The following PGPEP1L variants were observed in gnomAD, a reference collection of about 807,000 sequenced individuals.
PGPEP1L encodes the protein pyroglutamyl-peptidase 1-like protein.
PGPEP1L carries 7 observed loss-of-function variants against 6.0 expected under a neutral mutation model. That is an observed-to-expected ratio of 1.17 (90% CI 0.66 to 2.19). PGPEP1L has a LOEUF of 2.19. PGPEP1L is among the 30% of genes most tolerant of loss of function. The probability of loss-of-function intolerance (pLI) is 0.00; values close to 1 mark genes in which losing one functional copy is unlikely to be tolerated. For missense variants in PGPEP1L, 209 were observed against 192.5 expected (o/e 1.09, Z -0.51); for synonymous variants, 103 against 83.9 (o/e 1.23, Z -1.24).
chr15:98,972,872 C>CAAAAAAAAAAA (rs58126997), intron 2 of PGPEP1L, among the ~76,000 whole-genome samples: 1 of 45,654 alleles, frequency 2.2e-5, no homozygotes, highest in Non-Finnish European at 3.7e-5. Flanking sequence ...GACTCCGTCT[C>CAAAAAAAAAAA]AAAAAAAAAA....
At chr15:98,991,725 A>G (rs181657193) in intron 2 of PGPEP1L, among the ~76,000 whole-genome samples, 106 of 152,348 alleles carry the variant, frequency 7.0e-4, no homozygotes, top group African/African-American at 2.5e-3. Flanking sequence ...GGCAAACTGA[A>G]TCCAGCAGCA....
intron 2 of PGPEP1L, among the ~76,000 whole-genome samples, chr15:98,984,253 A>AC (rs1428112357): frequency 1.3e-5 from 2 of 152,020 alleles, no homozygotes; most frequent in African/African-American, 4.8e-5. Context: ...CTTGTGAACC[A>AC]CCCACCGTGG....
rs529834086 is a variant in PGPEP1L at position 98,992,476 on chromosome 15, T to C, written c.-142+12953A>G. 3.9e-5 allele frequency among the ~76,000 whole-genome samples: 6 copies of C among 152,336 alleles called. No homozygotes were observed. The East Asian group carries it at 1.2e-3, about 29-fold the overall frequency. ...CACAAACAAATGGAAAAACATTGCA[T>C]GCTCATAAATAGGAAGAATCAATAT... On this transcript the variant is annotated intron_variant, in intron 2 of 4. Transcript: ENST00000535714.
chr15:98,994,348 T>C (rs2017859134), intron 2 of PGPEP1L, among the ~76,000 whole-genome samples: 1 of 151,618 alleles, frequency 6.6e-6, no homozygotes, highest in African/African-American at 2.4e-5. Context: ...CAGTTCTCTA[T>C]TTAAAGCCTA....
At chr15:99,003,092 A>G (rs1239547205) in intron 2 of PGPEP1L, among the ~76,000 whole-genome samples, 1 of 152,122 alleles carries the variant, frequency 6.6e-6, no homozygotes, top group Non-Finnish European at 1.5e-5. Flanking sequence ...AACGTCCCAA[A>G]AAGCCCATGG....
chr15:98,969,382 T>C (rs1030244131), intron 4 of PGPEP1L, 43 bp downstream of exon 4: 2 of 1,608,020 alleles, frequency 1.2e-6, no homozygotes, highest in Non-Finnish European at 8.5e-7. Flanking sequence ...CGGCCATTGC[T>C]TCTCTCCTAC....
chr15:98,970,400 A>T (rs1204619316), intron 3 of PGPEP1L, among the ~76,000 whole-genome samples: 1 of 152,134 alleles, frequency 6.6e-6, no homozygotes, highest in South Asian at 2.1e-4. Flanking sequence ...CATCCAGTGA[A>T]ATCTTCTTAG....
chr15:98,990,450 C>G (rs1401116516), intron 2 of PGPEP1L, among the ~76,000 whole-genome samples: 3 of 152,176 alleles, frequency 2.0e-5, no homozygotes, highest in African/African-American at 7.2e-5. Context: ...TAGGAGCACC[C>G]AGATTCATAA....
Position 99,000,414 on chromosome 15 carries a change from G to A in PGPEP1L, c.-142+5015C>T, listed in dbSNP as rs1555472863. ...GCACATGGCACAGGACTGGCAGGCA[G>A]CTCCACCTACGGCCCCAGTGCGGGA... On this transcript the variant is annotated intron_variant, in intron 2 of 4. Transcript: ENST00000535714. 3.3e-5 allele frequency among the ~76,000 whole-genome samples: 5 copies of A among 152,350 alleles called. No homozygotes were observed. In the South Asian group the frequency reaches 1.0e-3, roughly 32 times the overall value.
chr15:98,981,093 C>G (rs2017652002), intron 2 of PGPEP1L, among the ~76,000 whole-genome samples: 3 of 152,188 alleles, frequency 2.0e-5, no homozygotes, highest in African/African-American at 7.2e-5. Flanking sequence ...GTCTTCCTCC[C>G]CCTAACCTCA....
At chr15:98,970,216 G>C (rs748749853) in intron 3 of PGPEP1L, among the ~76,000 whole-genome samples, 2 of 151,180 alleles carry the variant, frequency 1.3e-5, no homozygotes, top group East Asian at 3.9e-4. Context: ...GCTAATTTTT[G>C]TATTTGTAGT....
intron 2 of PGPEP1L, among the ~76,000 whole-genome samples, chr15:99,004,572 G>A (rs1445754491): frequency 6.6e-6 from 1 of 152,086 alleles, no homozygotes; most frequent in African/African-American, 2.4e-5. Flanking sequence ...ACAAAAATTA[G>A]CTGGGCGTGG....
intron 2 of PGPEP1L, among the ~76,000 whole-genome samples, chr15:99,003,386 T>C (rs2018002780): frequency 6.6e-6 from 1 of 151,186 alleles, no homozygotes; most frequent in Admixed American, 6.6e-5. Flanking sequence ...TTTGAAGCTC[T>C]TGTGTTTCAA....
chr15:98,990,287 G>GAA (rs558080200), intron 2 of PGPEP1L, among the ~76,000 whole-genome samples: 5 of 145,776 alleles, frequency 3.4e-5, no homozygotes, highest in African/African-American at 1.3e-4. Flanking sequence ...CAAATGGAAA[G>GAA]AAAAAAAAAA....
chr15:98,980,763 C>A (rs137860727), intron 2 of PGPEP1L, among the ~76,000 whole-genome samples: 42 of 152,118 alleles, frequency 2.8e-4, no homozygotes, highest in African/African-American at 9.9e-4. Flanking sequence ...GAAACCCCGT[C>A]GCTACTAAAA....
chr15:98,979,544 G>T (rs145338993), intron 2 of PGPEP1L, among the ~76,000 whole-genome samples: 1 of 150,950 alleles, frequency 6.6e-6, no homozygotes, highest in Non-Finnish European at 1.5e-5. Flanking sequence ...AAGAAACTGC[G>T]GTATATAGAT....
In PGPEP1L at chr15:98,979,544, G is replaced by A. The variant is rs145338993; in HGVS notation, c.-141-8386C>T. Among the ~76,000 whole-genome samples the A allele has an allele frequency of 9.3e-4, 140 of 151,032 alleles. 1 individual carries two copies. Among genetic ancestry groups the A allele is most frequent in the African/African-American group, 2.8e-3 (115 of 41,088 alleles). On this transcript the variant is annotated intron_variant, in intron 2 of 4. Coordinates refer to ENST00000535714, the MANE Select transcript of PGPEP1L (RefSeq NM_001167902.2). ...ATCAATGAGTGGATAAAGAAACTGC[G>A]GTATATAGATAGGATGGAATACTAC...
chr15:98,995,868 C>G (rs1448326045), intron 2 of PGPEP1L, among the ~76,000 whole-genome samples: 1 of 152,180 alleles, frequency 6.6e-6, no homozygotes, highest in Non-Finnish European at 1.5e-5. Flanking sequence ...CATTAATCCT[C>G]TTTTTGTCTC....
chr15:99,006,746 C>T (rs1269765286), intron 1 of PGPEP1L, among the ~76,000 whole-genome samples: 1 of 152,206 alleles, frequency 6.6e-6, no homozygotes, highest in Admixed American at 6.5e-5. Flanking sequence ...AGCCGTCAGT[C>T]GTAACTGCAC....
Sources: gnomAD v4.1 joint callset for allele counts (sites outside exome capture counted in the v4.1 genomes callset) on GRCh38, gnomAD v4.1.1 for gene constraint, MANE v1.5 for transcripts, NCBI Gene and HGNC (gene_info 2026-07-23, HGNC 2026-07-21) for gene names.